PCDH9: variants seen among roughly 807,000 people sequenced by gnomAD.
PCDH9 encodes protocadherin 9, also known as protocadherin-9.
PCDH9 carries 24 observed loss-of-function variants against 70.6 expected under a neutral mutation model. The ratio of observed to expected loss-of-function variants is 0.34; its 90% CI spans 0.25 to 0.48. The LOEUF (loss-of-function observed/expected upper bound fraction) is 0.48. Ranked by LOEUF, PCDH9 falls within the 20% of genes least tolerant of loss-of-function variation. PCDH9 has a pLI of 0.99. For missense variants in PCDH9, 1,281 were observed against 1,503.6 expected, an observed-to-expected ratio of 0.85 and a Z score of 2.45; for synonymous variants, 562 against 558.5, an observed-to-expected ratio of 1.01 and a Z score of -0.09.
intron 3 of PCDH9, among the ~76,000 whole-genome samples, chr13:66,874,770 C>T (rs1351406571): frequency 2.6e-5 from 4 of 152,126 alleles, no homozygotes; most frequent in Non-Finnish European, 5.9e-5. Context: ...AGCTGGGCAT[C>T]TGAAGGCTTG....
chr13:66,717,757 T>C (rs1004765328), intron 3 of PCDH9, among the ~76,000 whole-genome samples: 1 of 152,004 alleles, frequency 6.6e-6, no homozygotes, highest in Non-Finnish European at 1.5e-5. Flanking sequence ...CATATATCTA[T>C]GTATTAACAA....
At chr13:67,023,974 GAA>G (rs77342518) in intron 2 of PCDH9, among the ~76,000 whole-genome samples, 1 of 147,418 alleles carries the variant, frequency 6.8e-6, no homozygotes, top group Non-Finnish European at 1.5e-5. Flanking sequence ...AAAGATGGAA[GAA>G]AAAAAAAAGA....
intron 3 of PCDH9, among the ~76,000 whole-genome samples, chr13:66,890,448 C>CTTTTTTTT (rs36076373): frequency 6.0e-5 from 6 of 100,558 alleles, no homozygotes; most frequent in Non-Finnish European, 1.0e-4. Context: ...GACTTCTGAA[C>CTTTTTTTT]TTTTTTTTTT....
chr13:66,746,732 A>T (rs2079370694), intron 3 of PCDH9, among the ~76,000 whole-genome samples: 1 of 152,214 alleles, frequency 6.6e-6, no homozygotes, highest in African/African-American at 2.4e-5. Flanking sequence ...CTTCAAGAAT[A>T]AGTAGTAATA....
At chr13:66,697,044 G>C (rs1336050021) in intron 3 of PCDH9, among the ~76,000 whole-genome samples, 1 of 151,944 alleles carries the variant, frequency 6.6e-6, no homozygotes, top group East Asian at 1.9e-4. Context: ...GCTGCAGTGA[G>C]CCATGATCAC....
chr13:66,994,154 T>C (rs886623186), intron 2 of PCDH9, among the ~76,000 whole-genome samples: 1 of 152,118 alleles, frequency 6.6e-6, no homozygotes, highest in Non-Finnish European at 1.5e-5. Flanking sequence ...CCCTATGGAA[T>C]TGGGACTCAG....
At chr13:66,571,331 C>T (rs2076730113) in intron 4 of PCDH9, among the ~76,000 whole-genome samples, 1 of 151,884 alleles carries the variant, frequency 6.6e-6, no homozygotes. Flanking sequence ...TTATGAGTAA[C>T]AAAATACCTG....
chr13:66,406,651 C>CA (rs894091817), intron 4 of PCDH9, among the ~76,000 whole-genome samples: 19 of 152,244 alleles, frequency 1.2e-4, no homozygotes, highest in African/African-American at 4.1e-4. Flanking sequence ...TGTTTAAACA[C>CA]AAAGTTATAT....
At chr13:66,900,708 A>G (rs2082263232) in intron 3 of PCDH9, among the ~76,000 whole-genome samples, 1 of 151,740 alleles carries the variant, frequency 6.6e-6, no homozygotes, top group Admixed American at 6.6e-5. Flanking sequence ...TCATAATATA[A>G]ATTTAAGAAT....
intron 3 of PCDH9, among the ~76,000 whole-genome samples, chr13:66,780,219 C>T (rs1003874401): frequency 1.3e-5 from 2 of 152,082 alleles, no homozygotes; most frequent in African/African-American, 4.8e-5. Flanking sequence ...TATACCTTAA[C>T]TGTAGACAAT....
chr13:66,961,487 T>C (rs2083344537), intron 2 of PCDH9, among the ~76,000 whole-genome samples: 1 of 152,146 alleles, frequency 6.6e-6, no homozygotes, highest in Non-Finnish European at 1.5e-5. Flanking sequence ...TTAAGAAATA[T>C]TGAAATTAAA....
At chr13:66,404,779 G>A (rs1162541153) in intron 4 of PCDH9, among the ~76,000 whole-genome samples, 1 of 151,830 alleles carries the variant, frequency 6.6e-6, no homozygotes, top group Admixed American at 6.6e-5. Flanking sequence ...TTACCTTCAT[G>A]CCTTTTTCCC....
chr13:66,846,977 T>C (rs2081223238), intron 3 of PCDH9, among the ~76,000 whole-genome samples: 1 of 152,014 alleles, frequency 6.6e-6, no homozygotes, highest in African/African-American at 2.4e-5. Flanking sequence ...TAAAAGCTGA[T>C]TTCAAAATTC....
chr13:66,635,472 G>T (rs1265113927), intron 3 of PCDH9, among the ~76,000 whole-genome samples: 1 of 152,112 alleles, frequency 6.6e-6, no homozygotes, highest in Non-Finnish European at 1.5e-5. Context: ...ATAGTGCCAT[G>T]TGTTCACACA....
intron 2 of PCDH9, among the ~76,000 whole-genome samples, chr13:66,947,553 A>T (rs914687926): frequency 2.6e-5 from 4 of 152,098 alleles, no homozygotes; most frequent in African/African-American, 9.7e-5. Context: ...GCTACAACTT[A>T]TTTTACTGTT....
chr13:66,744,710 T>C lies in PCDH9; in HGVS notation c.3139-113299A>G, dbSNP rs543640978. Reference sequence around the variant, plus strand: ...AAGAAAGAAATTCAGGTATAAAAAATGAATATGTTATTCTTTCAAGGTAAA... The same window carrying C: ...AAGAAAGAAATTCAGGTATAAAAAACGAATATGTTATTCTTTCAAGGTAAA... On this transcript the variant is annotated intron_variant, in intron 3 of 4. Transcript: ENST00000377865. Among the ~76,000 whole-genome samples, 5 of 152,258 alleles carry C rather than the reference T, an allele frequency of 3.3e-5. No individual in the cohort carries two copies. In the East Asian group the frequency reaches 9.7e-4, roughly 29 times the overall value.
At chr13:66,564,135 A>C (rs771752978) in intron 4 of PCDH9, among the ~76,000 whole-genome samples, 1 of 152,162 alleles carries the variant, frequency 6.6e-6, no homozygotes, top group Non-Finnish European at 1.5e-5. Flanking sequence ...CAACAAGGAC[A>C]TTGACCACTT....
At position 67,160,433 on chromosome 13, in the gene PCDH9, G is replaced by C. The variant is rs531997816; in HGVS notation, c.3036+64972C>G. On this transcript the variant is annotated intron_variant, in intron 2 of 4. Coordinates refer to ENST00000377865, the MANE Select transcript of PCDH9 (RefSeq NM_203487.3). Reference sequence around the variant, plus strand: ...GTGGTGGCGGGCGCCTGTAGTCCCAGCTATTCGGGAGACTGAGGCAGGAGA... The same window carrying C: ...GTGGTGGCGGGCGCCTGTAGTCCCACCTATTCGGGAGACTGAGGCAGGAGA... Among the ~76,000 whole-genome samples the C allele has an allele frequency of 3.9e-5, 6 of 152,176 alleles. No homozygotes were observed. The East Asian group carries it at 1.2e-3, about 30-fold the overall frequency.
chr13:66,760,241 T>G (rs565494749), intron 3 of PCDH9, among the ~76,000 whole-genome samples: 1 of 152,302 alleles, frequency 6.6e-6, no homozygotes, highest in Admixed American at 6.5e-5. Context: ...CTCCCTTTTA[T>G]GTTATTTGCT....
Sources: gnomAD v4.1 joint callset for allele counts (sites outside exome capture counted in the v4.1 genomes callset) on GRCh38, gnomAD v4.1.1 for gene constraint, MANE v1.5 for transcripts, NCBI Gene and HGNC (gene_info 2026-07-23, HGNC 2026-07-21) for gene names.